The following PRKCH variants were observed in gnomAD, a reference collection of about 807,000 sequenced individuals.
PRKCH encodes protein kinase C eta type.
A neutral mutation model predicts 82.5 loss-of-function variants in PRKCH; 28 were observed. The ratio of observed to expected loss-of-function variants is 0.34; its 90% CI spans 0.25 to 0.47. The LOEUF (loss-of-function observed/expected upper bound fraction) is 0.47, where lower values mean the gene tolerates loss of function less well. Ranked by LOEUF, PRKCH falls within the 20% of genes least tolerant of loss-of-function variation. The probability of loss-of-function intolerance (pLI) is 1.00; values close to 1 mark genes in which losing one functional copy is unlikely to be tolerated. For synonymous variants in PRKCH, 322 were observed against 327.4 expected (o/e 0.98, Z 0.18); for missense variants, 705 against 881.8 (o/e 0.80, Z 2.54).
chr14:61,536,435 C>T (rs1258509167), intron 12 of PRKCH, among the ~76,000 whole-genome samples: 6 of 152,116 alleles, frequency 3.9e-5, no homozygotes, highest in Non-Finnish European at 7.3e-5. Context: ...CTGCCCTTTC[C>T]CCCTGAGAGG....
chr14:61,299,643 A>G (rs2045434626), intron 1 of PRKCH: 1 of 151,950 alleles, frequency 6.6e-6, no homozygotes, highest in Non-Finnish European at 1.5e-5. Context: ...TTAGCTATCT[A>G]CTGTAATAGT....
At position 61,530,614 on chromosome 14, in the gene PRKCH, G is replaced by C; in HGVS notation, c.1761+19G>C. On this transcript the variant is annotated intron_variant, in intron 12 of 13. Transcript: ENST00000332981. ...AAAATCTGTAAGTTTGGCTTACCCA[G>C]CTAGCTTCTGATGTATTGCAAACCA... 6.4e-7 allele frequency: 1 copy of C among 1,573,906 alleles called. No individual in the cohort carries two copies. The highest frequency in any genetic ancestry group is 8.6e-7 in the Non-Finnish European group (1 of 1,156,144).
In PRKCH at chr14:61,322,023, G is replaced by A. The variant is rs2045631291; in HGVS notation, c.-79G>A. 2 of 1,446,430 alleles carry A rather than the reference G, an allele frequency of 1.4e-6. No individual in the cohort carries two copies. Among genetic ancestry groups the A allele is most frequent in the African/African-American group, 1.4e-5 (1 of 70,122 alleles). 89.6% of individuals were successfully genotyped at this position (1,446,430 alleles called of 1,614,324 possible). ...GCCTCGACTCCTGCACCTGTCCCGA[G>A]GGCTGGCCTGAGACGGGACTCCCGG... On this transcript the variant is annotated 5_prime_UTR_variant, in exon 1 of 14. Coordinates refer to ENST00000332981, the MANE Select transcript of PRKCH (RefSeq NM_006255.5).
intron 1 of PRKCH, among the ~76,000 whole-genome samples, chr14:61,354,773 A>G (rs1170617883): frequency 1.3e-5 from 2 of 152,058 alleles, no homozygotes; most frequent in Admixed American, 1.3e-4. Context: ...TTTTCTTCTC[A>G]TTTAGTCACA....
At chr14:61,228,075 CTT>C (rs1463275973) in intron 1 of PRKCH, among the ~76,000 whole-genome samples, 1 of 152,082 alleles carries the variant, frequency 6.6e-6, no homozygotes, top group Non-Finnish European at 1.5e-5. Context: ...AAGGAGGACT[CTT>C]GCATTTTCTG....
At chr14:61,342,688 GT>G (rs1394485833) in intron 1 of PRKCH, among the ~76,000 whole-genome samples, 1 of 152,204 alleles carries the variant, frequency 6.6e-6, no homozygotes, top group Non-Finnish European at 1.5e-5. Flanking sequence ...CAGGGCGGAG[GT>G]GTTTCAGCCC....
rs557581914 is a variant in PRKCH, at chr14:61,224,776, C to T, written c.-19+37108C>T. Among the ~76,000 whole-genome samples, 93 of 152,268 alleles carry T rather than the reference C, an allele frequency of 6.1e-4. 1 individual carries two copies. Among genetic ancestry groups the T allele is most frequent in the African/African-American group, 2.1e-3 (86 of 41,538 alleles). On this transcript the variant is annotated intron_variant, in intron 1 of 3. Transcript: ENST00000555185. Reference sequence around the variant, plus strand: ...GGTTTCTCCATCATGAAGCTACTTCCCCCACCCTCTCTTTTCATGTTCCAC... The same window carrying T: ...GGTTTCTCCATCATGAAGCTACTTCTCCCACCCTCTCTTTTCATGTTCCAC...
In PRKCH at chr14:61,529,099, G is replaced by T. The variant is rs139416257; in HGVS notation, c.1458G>T (p.Leu486=). ...IYRDLKLDNV[L]LDHEGHCKLA... is the part of the protein sequence containing the mutation. ...GAGATCTGAAACTGGACAATGTCCT[G>T]TTGGACCACGAGGGTCACTGTAAAC... is the stretch of plus-strand genomic sequence containing the variant. Residue 486 remains leucine (L), a synonymous_variant, in exon 11 of 14, where the codon CTG becomes CTT. Coordinates refer to ENST00000332981, the MANE Select transcript of PRKCH (RefSeq NM_006255.5). The T allele has an allele frequency of 1.3e-4, 217 of 1,613,178 alleles. No homozygotes were observed. The highest frequency in any genetic ancestry group is 1.8e-4 in the Non-Finnish European group (215 of 1,179,588).
At chr14:61,345,378 A>C (rs900565213) in intron 1 of PRKCH, among the ~76,000 whole-genome samples, 24 of 152,232 alleles carry the variant, frequency 1.6e-4, no homozygotes, top group Non-Finnish European at 3.2e-4. Flanking sequence ...CAAAACAACT[A>C]CCACAAAATT....
chr14:61,210,503 T>C lies in PRKCH; in HGVS notation c.-19+22835T>C, dbSNP rs534561321. Among the ~76,000 whole-genome samples the C allele has an allele frequency of 3.3e-5, 5 of 152,270 alleles. No homozygotes were observed. In the South Asian group the frequency reaches 6.2e-4, roughly 19 times the overall value. On this transcript the variant is annotated intron_variant, in intron 1 of 3. Transcript: ENST00000555185. The stretch of plus-strand genomic sequence containing the variant: ...GCCCTGGTGTAAAACAAAGATTTGC[T>C]GATCACTCCCCTGAAGATTTTGATT...
intron 1 of PRKCH, among the ~76,000 whole-genome samples, chr14:61,327,581 A>G (rs1393016812): frequency 6.6e-6 from 1 of 152,152 alleles, no homozygotes; most frequent in Non-Finnish European, 1.5e-5. Flanking sequence ...TGTGGCTCAG[A>G]TATTTTCCCC....
chr14:61,384,840 AC>A (rs1355855857), intron 1 of PRKCH, among the ~76,000 whole-genome samples: 4 of 151,816 alleles, frequency 2.6e-5, no homozygotes, highest in African/African-American at 9.7e-5. Flanking sequence ...AACATAGAGA[AC>A]CCTAAAGGCT....
At chr14:61,222,595 C>A (rs1027869023) in intron 1 of PRKCH, among the ~76,000 whole-genome samples, 3 of 152,164 alleles carry the variant, frequency 2.0e-5, no homozygotes, top group Non-Finnish European at 4.4e-5. Flanking sequence ...TGAACAACTC[C>A]ATGAACTTTT....
chr14:61,502,176 T>C (rs1886948762), intron 10 of PRKCH, among the ~76,000 whole-genome samples: 2 of 148,418 alleles, frequency 1.3e-5, no homozygotes, highest in African/African-American at 2.5e-5. Flanking sequence ...GTGATTCTCC[T>C]ACCTCAGCCT....
At chr14:61,251,970 G>A (rs1041513983) in intron 1 of PRKCH, among the ~76,000 whole-genome samples, 7 of 151,982 alleles carry the variant, frequency 4.6e-5, no homozygotes, top group African/African-American at 1.7e-4. Context: ...CTCCTGAGTA[G>A]CTGGGATTAC....
intron 1 of PRKCH, among the ~76,000 whole-genome samples, chr14:61,240,235 C>T (rs1240428244): frequency 6.6e-6 from 1 of 152,150 alleles, no homozygotes; most frequent in Non-Finnish European, 1.5e-5. Flanking sequence ...AACAGCTCCC[C>T]TGTACAGAGG....
intron 1 of PRKCH, among the ~76,000 whole-genome samples, chr14:61,381,883 A>C (rs1179833382): frequency 6.6e-6 from 1 of 152,218 alleles, no homozygotes; most frequent in Non-Finnish European, 1.5e-5. Flanking sequence ...CCTCAGGCAG[A>C]AGCAGTCAGA....
chr14:61,549,000 G>A (rs750918723), intron 13 of PRKCH, among the ~76,000 whole-genome samples: 9 of 152,048 alleles, frequency 5.9e-5, no homozygotes, highest in Non-Finnish European at 1.3e-4. Flanking sequence ...AAAACATACA[G>A]TGCACTTAAT....
chr14:61,548,006 C>G, intron 13 of PRKCH, 120 bp downstream of exon 13: 2 of 1,333,340 alleles, frequency 1.5e-6, no homozygotes, highest in East Asian at 4.7e-5. Flanking sequence ...CAGCTGGATA[C>G]TGCACAGGGC....
Sources: gnomAD v4.1 joint callset for allele counts (sites outside exome capture counted in the v4.1 genomes callset) on GRCh38, gnomAD v4.1.1 for gene constraint, MANE v1.5 for transcripts, NCBI Gene and HGNC (gene_info 2026-07-23, HGNC 2026-07-21) for gene names.